Variants in TUBGCP2 observed in about 807,000 individuals in gnomAD.
TUBGCP2 encodes tubulin gamma complex component 2.
A neutral mutation model predicts 92.2 loss-of-function variants in TUBGCP2; 55 were observed. The observed-to-expected ratio is 0.60, with a 90% confidence interval of 0.48 to 0.75. TUBGCP2 has a LOEUF of 0.75. Ranked by LOEUF, TUBGCP2 falls within the 30% of genes least tolerant of loss-of-function variation. The pLI, the probability that TUBGCP2 is intolerant of heterozygous loss-of-function variation, is 0.00. For missense variants in TUBGCP2, 1,093 were observed against 1,188.9 expected, an observed-to-expected ratio of 0.92 and a Z score of 1.19; for synonymous variants, 533 against 505.2, an observed-to-expected ratio of 1.06 and a Z score of -0.74.
intron 2 of TUBGCP2, among the ~76,000 whole-genome samples, chr10:133,300,889 A>C (rs1253219051): frequency 6.6e-6 from 1 of 151,862 alleles, no homozygotes; most frequent in African/African-American, 2.4e-5. Context: ...TCAGGTTTGT[A>C]CTGGAGAGTA....
intron 2 of TUBGCP2, 85 bp downstream of exon 2, chr10:133,302,707 G>C: frequency 6.4e-7 from 1 of 1,563,534 alleles, no homozygotes; most frequent in East Asian, 2.3e-5. Context: ...CCTGCACCCT[G>C]ACCCAGGGGT....
At chr10:133,311,583 A>G, upstream of TUBGCP2, 1 of 756,336 alleles carries the variant, frequency 1.3e-6, no homozygotes, top group Non-Finnish European at 2.1e-6. Flanking sequence ...CTATAAAATC[A>G]GACTATGCCA....
upstream of TUBGCP2, chr10:133,311,800 C>G (rs1264380902): frequency 6.2e-7 from 1 of 1,613,310 alleles, no homozygotes; most frequent in South Asian, 1.1e-5. Context: ...CTGTGGCAGC[C>G]TCCCCTGCAC....
chr10:133,290,463 A>G (rs1299288430), intron 8 of TUBGCP2: 1 of 151,474 alleles, frequency 6.6e-6, no homozygotes, highest in Non-Finnish European at 1.5e-5. Flanking sequence ...ACTGCACTCC[A>G]GCCTGGCAAT....
intron 2 of TUBGCP2, chr10:133,301,725 T>G (rs796427576): frequency 7.4e-6 from 1 of 134,936 alleles, no homozygotes; most frequent in Non-Finnish European, 1.6e-5. Flanking sequence ...TTTTTTTTTT[T>G]TTTTTGAGAC....
intron 14 of TUBGCP2, 68 bp downstream of exon 14, chr10:133,283,814 G>A (rs1366075644): frequency 6.3e-7 from 1 of 1,591,444 alleles, no homozygotes; most frequent in South Asian, 1.1e-5. Context: ...TGCCTCTCCT[G>A]CACTTCCTGT....
chr10:133,286,491 C>T (rs1231845016), intron 11 of TUBGCP2, among the ~76,000 whole-genome samples: 2 of 152,192 alleles, frequency 1.3e-5, no homozygotes, highest in African/African-American at 2.4e-5. Context: ...CGGAGAGAAC[C>T]GCCGGACAGA....
intron 2 of TUBGCP2, 139 bp downstream of exon 2, chr10:133,302,653 A>C: frequency 1.9e-6 from 2 of 1,025,882 alleles, no homozygotes; most frequent in Admixed American, 2.5e-5. Context: ...TCACCCAGGA[A>C]TGGTGCTCAC....
upstream of TUBGCP2, chr10:133,309,500 T>TG: frequency 6.3e-7 from 1 of 1,595,970 alleles, no homozygotes; most frequent in Non-Finnish European, 8.5e-7. Flanking sequence ...GTGCTACTCC[T>TG]GCGCCGCCTC....
intron 2 of TUBGCP2, 90 bp from the exon 3 acceptor site, chr10:133,300,203 A>G: frequency 1.4e-6 from 2 of 1,429,468 alleles, no homozygotes; most frequent in Non-Finnish European, 9.5e-7. Flanking sequence ...ACAATAAGCC[A>G]ATGGAATTAA....
At chr10:133,310,730 A>G (rs570284611), upstream of TUBGCP2, among the ~76,000 whole-genome samples, 6 of 152,278 alleles carry the variant, frequency 3.9e-5, no homozygotes, top group South Asian at 4.1e-4. Flanking sequence ...TTGTGCGCAT[A>G]TGAACTTGAT....
At chr10:133,300,228 A>G in intron 2 of TUBGCP2, 115 bp from the exon 3 acceptor site, 1 of 1,226,420 alleles carries the variant, frequency 8.2e-7, no homozygotes, top group East Asian at 2.4e-5. Flanking sequence ...GGTAGGTTAA[A>G]TAATTATCCC....
rs576600854 is a variant in TUBGCP2, at chr10:133,289,679, G to A, written c.1360+145C>T. The A allele has an allele frequency of 6.6e-6, 7 of 1,057,830 alleles. No individual in the cohort carries two copies. The Admixed American group carries it at 1.5e-4, about 22-fold the overall frequency. The allele number at this position is 1,057,830 out of a possible 1,614,324, so 65.5% of individuals were successfully genotyped here. ...GCAGCCCAGCCCACGGGCCAGTCCT[G>A]ACCTCAGCCCCGCATTCACGGACAC... On this transcript the variant is annotated intron_variant, in intron 9 of 17. Transcript: ENST00000252936.
chr10:133,295,820 A>G (rs996159775), intron 5 of TUBGCP2: 8 of 152,494 alleles, frequency 5.2e-5, no homozygotes, highest in African/African-American at 1.9e-4. Flanking sequence ...CCGAGGTCAC[A>G]CAAGGTCCCG....
chr10:133,304,432 C>G (rs1290206546), intron 1 of TUBGCP2, among the ~76,000 whole-genome samples: 2 of 152,222 alleles, frequency 1.3e-5, no homozygotes, highest in Non-Finnish European at 2.9e-5. Flanking sequence ...TAATCAGTAA[C>G]AGATGAGCCC....
intron 11 of TUBGCP2, among the ~76,000 whole-genome samples, chr10:133,287,501 G>C (rs1448043127): frequency 6.6e-6 from 1 of 152,178 alleles, no homozygotes; most frequent in Non-Finnish European, 1.5e-5. Context: ...CAGCACTTTG[G>C]GAGGCCAAGG....
chr10:133,285,971 G>A lies in TUBGCP2; in HGVS notation c.1723-343C>T, dbSNP rs181823461. ...GTACCATGATAAGCACCAGGCCCAG[G>A]TTGAAAAATGAAGCATATTTGACGA... On this transcript the variant is annotated intron_variant, in intron 11 of 17. Transcript: ENST00000252936. The surrounding 1 kb of genome is among the most constrained non-coding windows in gnomAD (Gnocchi z 6.8). Among the ~76,000 whole-genome samples the A allele has an allele frequency of 1.3e-5, 2 of 152,158 alleles. No individual in the cohort carries two copies. The highest frequency in any genetic ancestry group is 1.9e-4 in the East Asian group (1 of 5,176).
At position 133,302,674 on chromosome 10, in the gene TUBGCP2, CCT is replaced by C. The variant is rs1847700237; in HGVS notation, c.150+116_150+117del. On this transcript the variant is annotated intron_variant, in intron 2 of 17. Transcript: ENST00000252936. The stretch of plus-strand genomic sequence containing the variant: ...AGGAATGGTGCTCACCCTGTACCAC[CCT>C]GACCCAGGAACGGCGCTCACCCTGC... The C allele has an allele frequency of 8.8e-6, 12 of 1,362,496 alleles. No individual in the cohort carries two copies. In the South Asian group the frequency reaches 1.6e-4, roughly 18 times the overall value. The allele number at this position is 1,362,496 out of a possible 1,614,324, so 84.4% of individuals were successfully genotyped here. A position where few individuals can be genotyped will look rare whatever the true frequency, so the allele number is the denominator to read the frequency against.
Position 133,308,838 on chromosome 10 carries a change from ACAGCCCCCGCG to A in TUBGCP2, c.-66_-56del. On this transcript the variant is annotated 5_prime_UTR_variant, in exon 1 of 18. Transcript: ENST00000252936. The stretch of plus-strand genomic sequence containing the variant: ...CAGGACTCACCGCAGTCCCGGAGCC[ACAGCCCCCGCG>A]CAGCCCCCGACGGCGGCGGAAGTGA... 1 of 1,010,634 alleles carries A rather than the reference ACAGCCCCCGCG, an allele frequency of 9.9e-7. No individual in the cohort carries two copies. The highest frequency in any genetic ancestry group is 1.3e-6 in the Non-Finnish European group (1 of 798,816). The allele number at this position is 1,010,634 out of a possible 1,614,324, so 62.6% of individuals were successfully genotyped here.
Sources: allele counts gnomAD v4.1 joint callset (sites outside exome capture counted in the v4.1 genomes callset), GRCh38; gene constraint gnomAD v4.1.1; non-coding constraint Gnocchi (gnomAD v3.1); transcripts MANE v1.5; gene names NCBI Gene and HGNC (gene_info 2026-07-23, HGNC 2026-07-21).